CDKN3: variants seen among roughly 807,000 people sequenced by gnomAD.
CDKN3 encodes the protein cyclin dependent kinase inhibitor 3.
CDKN3 carries 19 observed loss-of-function variants against 36.1 expected under a neutral mutation model. The observed-to-expected ratio is 0.53, with a 90% CI of 0.37 to 0.77. The LOEUF (loss-of-function observed/expected upper bound fraction) is 0.77. Ranked by LOEUF, CDKN3 falls within the 30% of genes least tolerant of loss-of-function variation. The probability of loss-of-function intolerance (pLI) is 0.00; values close to 1 mark genes in which losing one functional copy is unlikely to be tolerated. For synonymous variants in CDKN3, 71 were observed against 85.3 expected, an observed-to-expected ratio of 0.83 and a Z score of 0.92; for missense variants, 188 against 248.6, an observed-to-expected ratio of 0.76 and a Z score of 1.64.
intron 3 of CDKN3, among the ~76,000 whole-genome samples, chr14:54,402,789 C>A (rs1480799980): frequency 2.0e-5 from 3 of 152,180 alleles, no homozygotes; most frequent in Non-Finnish European, 2.9e-5. Flanking sequence ...TTTCCCAACA[C>A]CATTTATTAA....
intron 2 of CDKN3, 136 bp downstream of exon 2, chr14:54,400,112 A>C (rs1048757454): frequency 4.9e-6 from 3 of 618,062 alleles, no homozygotes; most frequent in African/African-American, 3.7e-5. Flanking sequence ...CTCTGATTAT[A>C]TAATTCTAAT....
chr14:54,416,699 C>G (rs902203100), intron 6 of CDKN3, among the ~76,000 whole-genome samples: 27 of 152,130 alleles, frequency 1.8e-4, no homozygotes, highest in Non-Finnish European at 2.8e-4. Flanking sequence ...CCTGTAGTCC[C>G]AGCTCCTTGT....
intron 1 of CDKN3, among the ~76,000 whole-genome samples, chr14:54,399,390 C>G (rs986765340): frequency 2.2e-4 from 34 of 152,192 alleles, no homozygotes; most frequent in African/African-American, 7.7e-4. Flanking sequence ...TTCTCTGTTC[C>G]ACAGTGTATA....
At chr14:54,413,665 G>A in intron 5 of CDKN3, 1 of 1,535,368 alleles carries the variant, frequency 6.5e-7, no homozygotes, top group South Asian at 1.2e-5. Context: ...CCATCTTTGA[G>A]GACCCACACT....
intron 6 of CDKN3, among the ~76,000 whole-genome samples, chr14:54,417,063 T>G (rs2030576991): frequency 6.6e-6 from 1 of 152,172 alleles, no homozygotes; most frequent in African/African-American, 2.4e-5. Context: ...ATTCGAACCC[T>G]CATACACTGT....
chr14:54,409,883 C>T (rs1165847859), intron 4 of CDKN3, among the ~76,000 whole-genome samples: 2 of 149,290 alleles, frequency 1.3e-5, no homozygotes, highest in Non-Finnish European at 3.0e-5. Flanking sequence ...AGAGCAAGAC[C>T]CTGCCTCAAA....
chr14:54,417,920 TA>T lies in CDKN3; in HGVS notation c.523del (p.Arg175GlufsTer22). 6.3e-7 allele frequency: 1 copy of T among 1,594,478 alleles called. No homozygotes were observed. Among genetic ancestry groups the T allele is most frequent in the South Asian group, 1.1e-5 (1 of 87,888 alleles). The part of the protein sequence containing the change: ...PEQAIDSLRD[L>X]RGSGAIQTIK... ...CAAGCCATAGACAGCCTGCGAGACCTAAGAGGATCCGGGGCAATACAGACCA... is the reference window on the plus strand; with the variant it reads ...CAAGCCATAGACAGCCTGCGAGACCTAGAGGATCCGGGGCAATACAGACCA... On this transcript the variant is annotated frameshift_variant, in exon 7 of 8. Coordinates refer to ENST00000335183, the MANE Select transcript of CDKN3 (RefSeq NM_005192.4). LOFTEE classifies it high-confidence loss of function.
intron 5 of CDKN3, 70 bp downstream of exon 5, chr14:54,411,776 C>A: frequency 1.0e-6 from 1 of 992,452 alleles, no homozygotes; most frequent in East Asian, 2.5e-5. Context: ...TTATGGTAGC[C>A]CTATTCAGTT....
rs750454078 is a variant in CDKN3, at chr14:54,411,768, A to C, written c.416+62A>C. On this transcript the variant is annotated intron_variant, in intron 5 of 7. Coordinates refer to ENST00000335183, the MANE Select transcript of CDKN3 (RefSeq NM_005192.4). ...CTCAGTCAAAATGATTTCTGGAATT[A>C]TGGTAGCCCTATTCAGTTATCACCT... The C allele has an allele frequency of 4.7e-6, 5 of 1,056,676 alleles. No individual in the cohort carries two copies. In the African/African-American group the frequency reaches 7.9e-5, roughly 17 times the overall value. The allele number at this position is 1,056,676 out of a possible 1,614,324, so 65.5% of individuals were successfully genotyped here. A position where few individuals can be genotyped will look rare whatever the true frequency, so the allele number is the denominator to read the frequency against.
chr14:54,408,108 C>A (rs1320723884), intron 3 of CDKN3, among the ~76,000 whole-genome samples: 1 of 152,180 alleles, frequency 6.6e-6, no homozygotes, highest in South Asian at 2.1e-4. Context: ...ATAATGACTT[C>A]TTTTCCTCTG....
chr14:54,408,157 G>A (rs4251621), intron 3 of CDKN3, among the ~76,000 whole-genome samples: 4,415 of 152,298 alleles, frequency 0.029, 218 homozygotes, highest in African/African-American at 0.1. Context: ...TCAAATGGTA[G>A]TTCTACTTTT....
At chr14:54,410,112 G>C (rs1313329981) in intron 4 of CDKN3, among the ~76,000 whole-genome samples, 1 of 152,012 alleles carries the variant, frequency 6.6e-6, no homozygotes, top group Non-Finnish European at 1.5e-5. Context: ...TATTCATTTA[G>C]CATTTTCTAT....
chr14:54,403,728 T>C (rs2030045517), intron 3 of CDKN3, among the ~76,000 whole-genome samples: 1 of 152,224 alleles, frequency 6.6e-6, no homozygotes, highest in Admixed American at 6.5e-5. Context: ...ATACCTAGTT[T>C]ATTGAGTGTT....
At chr14:54,418,969 G>A (rs2030641440) in intron 7 of CDKN3, among the ~76,000 whole-genome samples, 1 of 152,052 alleles carries the variant, frequency 6.6e-6, no homozygotes, top group Non-Finnish European at 1.5e-5. Context: ...GACCAGCCTG[G>A]CCAACATAAC....
chr14:54,414,438 A>T (rs2030462675), intron 5 of CDKN3, among the ~76,000 whole-genome samples: 1 of 152,194 alleles, frequency 6.6e-6, no homozygotes, highest in Non-Finnish European at 1.5e-5. Flanking sequence ...TGAGGTTTTA[A>T]AAGATAAGTA....
intron 1 of CDKN3, among the ~76,000 whole-genome samples, chr14:54,397,379 CGTT>C (rs1025468033): frequency 2.0e-5 from 3 of 152,264 alleles, no homozygotes; most frequent in Non-Finnish European, 4.4e-5. Flanking sequence ...GGCCGAGCCT[CGTT>C]GTACCGAGGA....
intron 3 of CDKN3, among the ~76,000 whole-genome samples, chr14:54,405,596 C>G (rs1050209443): frequency 1.5e-4 from 23 of 151,858 alleles, no homozygotes; most frequent in African/African-American, 5.1e-4. Context: ...TTATGTAATC[C>G]CCTTCTTTTT....
At chr14:54,410,670 G>A (rs2030317654) in intron 4 of CDKN3, among the ~76,000 whole-genome samples, 1 of 152,144 alleles carries the variant, frequency 6.6e-6, no homozygotes, top group Admixed American at 6.5e-5. Flanking sequence ...TAGCACCTCT[G>A]ACACCATGGC....
In CDKN3 at chr14:54,409,443, T is replaced by C. The variant is rs574151547; in HGVS notation, c.193+654T>C. Among the ~76,000 whole-genome samples the C allele has an allele frequency of 4.6e-5, 7 of 152,314 alleles. No individual in the cohort carries two copies. The South Asian group carries it at 1.4e-3, about 32-fold the overall frequency. ...ATCCTTATAGTATGGCAAATTAAAA[T>C]GTATATATTGCTTGATTCTAACTAG... On this transcript the variant is annotated intron_variant, in intron 4 of 7. Coordinates refer to ENST00000335183, the MANE Select transcript of CDKN3 (RefSeq NM_005192.4).
Sources: gnomAD v4.1 joint callset for allele counts (sites outside exome capture counted in the v4.1 genomes callset) on GRCh38, gnomAD v4.1.1 for gene constraint, MANE v1.5 for transcripts, NCBI Gene and HGNC (gene_info 2026-07-23, HGNC 2026-07-21) for gene names.